Variants in NLGN3 observed in about 807,000 individuals in gnomAD.
NLGN3 encodes neuroligin 3.
Under a neutral mutation model 42.9 loss-of-function variants are expected in NLGN3, and 11 were observed. The ratio of observed to expected loss-of-function variants is 0.26; its 90% confidence interval spans 0.16 to 0.42. The LOEUF is 0.42. Ranked by LOEUF, NLGN3 falls within the 10% of genes least tolerant of loss-of-function variation. The pLI is 1.00. For synonymous variants in NLGN3, 279 were observed against 312.7 expected, an observed-to-expected ratio of 0.89 and a Z score of 1.14; for missense variants, 374 against 733.8, an observed-to-expected ratio of 0.51 and a Z score of 5.67.
Position 71,165,611 on chromosome X carries a change from T to C in NLGN3, c.913+1283T>C, listed in dbSNP as rs891085427. Among the ~76,000 whole-genome samples the C allele has an allele frequency of 3.6e-5, 4 of 110,803 alleles. No homozygotes were observed. In the Admixed American group the frequency reaches 3.8e-4, roughly 11 times the overall value. ...GTGATCACAGCTCACTGCAACCTGT[T>C]CCTCCCAGGCTCAAGTGATCCTCCT... On this transcript the variant is annotated intron_variant, in intron 6 of 7. Transcript: ENST00000358741.
In NLGN3 at chrX:71,150,989, A is replaced by G. The variant is rs963904734; in HGVS notation, c.517+2084A>G. Among the ~76,000 whole-genome samples, 3 of 112,099 alleles carry G rather than the reference A, an allele frequency of 2.7e-5. No individual in the cohort carries two copies. In the Admixed American group the frequency reaches 2.8e-4, roughly 11 times the overall value. On this transcript the variant is annotated intron_variant, in intron 3 of 7. Coordinates refer to ENST00000358741, the MANE Select transcript of NLGN3 (RefSeq NM_181303.2). ...TTTAGAAATGACTAAAGGCCTAATC[A>G]CTGCTCTGAAGAAGCTCTTAGCCTT...
intron 4 of NLGN3, 24 bp downstream of exon 4, chrX:71,153,560 G>A (rs781614320): frequency 8.5e-7 from 1 of 1,176,808 alleles, no homozygotes; most frequent in South Asian, 1.8e-5. Context: ...GCAGGGCGCG[G>A]CGGCTGGTGC....
chrX:71,162,314 G>C (rs180697518), intron 5 of NLGN3, among the ~76,000 whole-genome samples: 371 of 111,034 alleles, frequency 3.3e-3, no homozygotes, highest in Non-Finnish European at 5.2e-3. Flanking sequence ...AAAACAAAAA[G>C]GGACAGGGTC....
Position 71,170,471 on chromosome X carries a change from G to A in NLGN3, c.*374G>A. ...TTGGTGCTCGCCTTCGGCCTCTCTT[G>A]GAACTGCACCACCGACCAACTCCAG... On this transcript the variant is annotated 3_prime_UTR_variant, in exon 8 of 8. Coordinates refer to ENST00000358741, the MANE Select transcript of NLGN3 (RefSeq NM_181303.2). 1.1e-6 allele frequency: 1 copy of A among 892,488 alleles called. No individual in the cohort carries two copies. Among genetic ancestry groups the A allele is most frequent in the South Asian group, 3.3e-5 (1 of 30,173 alleles). The allele number at this position is 892,488 out of a possible 1,213,427, so 73.6% of individuals were successfully genotyped here. A position where few individuals can be genotyped will look rare whatever the true frequency, so the allele number is the denominator to read the frequency against.
At chrX:71,175,289 T>TA (rs1324979130), downstream of NLGN3, among the ~76,000 whole-genome samples, 1 of 111,746 alleles carries the variant, frequency 8.9e-6, no homozygotes, top group Non-Finnish European at 1.9e-5. Context: ...AAAATTATAA[T>TA]AAAAGTTTCA....
chrX:71,170,238 T>A lies in NLGN3; in HGVS notation c.*141T>A. ...GCACGCACCCACACCCTACAGCAGATCCACCTGCACAAACATAGACAGATG... is the reference window on the plus strand; with the variant it reads ...GCACGCACCCACACCCTACAGCAGAACCACCTGCACAAACATAGACAGATG... On this transcript the variant is annotated 3_prime_UTR_variant, in exon 8 of 8. Coordinates refer to ENST00000358741, the MANE Select transcript of NLGN3 (RefSeq NM_181303.2). 2.6e-6 allele frequency: 3 copies of A among 1,147,212 alleles called. No homozygotes were observed. Among genetic ancestry groups the A allele is most frequent in the African/African-American group, 1.8e-5 (1 of 56,044 alleles). 94.5% of individuals were successfully genotyped at this position (1,147,212 alleles called of 1,213,427 possible).
chrX:71,157,019 C>A (rs181501918), intron 5 of NLGN3, among the ~76,000 whole-genome samples: 1 of 111,084 alleles, frequency 9.0e-6, no homozygotes, highest in East Asian at 2.8e-4. Context: ...CCCCAAGCCC[C>A]GCATCCCTGT....
chrX:71,146,360 C>T (rs1190705705), intron 1 of NLGN3, among the ~76,000 whole-genome samples: 1 of 106,591 alleles, frequency 9.4e-6, no homozygotes, highest in African/African-American at 3.5e-5. Flanking sequence ...GTGCATGTGG[C>T]GTGGGTGTGC....
intron 2 of NLGN3, 146 bp from the exon 3 acceptor site, chrX:71,148,700 G>A: frequency 2.1e-6 from 1 of 484,361 alleles, no homozygotes; most frequent in Non-Finnish European, 3.4e-6. Flanking sequence ...ACTAAGGTAA[G>A]TGACAGAAAC....
chrX:71,151,469 G>A (rs1201567132), intron 3 of NLGN3, among the ~76,000 whole-genome samples: 7 of 111,882 alleles, frequency 6.3e-5, no homozygotes, highest in Middle Eastern at 4.6e-3. Flanking sequence ...GACAAATCCC[G>A]CCTCTTGAGG....
intron 5 of NLGN3, among the ~76,000 whole-genome samples, 188 bp from the exon 6 acceptor site, chrX:71,163,955 T>C (rs754391360): frequency 1.1e-4 from 12 of 112,798 alleles, no homozygotes; most frequent in Non-Finnish European, 2.1e-4. Context: ...GGCAGGGAGC[T>C]GACCCCTCCT....
At position 71,167,282 on chromosome X, in the gene NLGN3, G is replaced by C. The variant is rs1569485435; in HGVS notation, c.1185G>C (p.Glu395Asp). 1 of 1,211,960 alleles carries C rather than the reference G, an allele frequency of 8.3e-7. No homozygotes were observed. The highest frequency in any genetic ancestry group is 1.1e-6 in the Non-Finnish European group (1 of 895,554). Residue 395 changes from glutamate (E) to aspartate (D), a missense_variant, in exon 7 of 8, where the codon GAG becomes GAC. By Grantham distance (45) the Glu-to-Asp change is conservative (BLOSUM62 2). Transcript: ENST00000358741. Reference protein sequence around the residue: ...DDPEILMEQGEFLNYDIMLGV... With the variant: ...DDPEILMEQGDFLNYDIMLGV... ...CTGAGATCCTCATGGAGCAGGGCGA[G>C]TTCCTCAACTATGACATCATGCTAG...
At chrX:71,172,704 G>A (rs7055734), downstream of NLGN3, among the ~76,000 whole-genome samples, 26,885 of 108,802 alleles carry the variant, frequency 0.25, 4,797 homozygotes, top group African/African-American at 0.62. Context: ...ATGGTTGTAG[G>A]GCACCTACCA....
At chrX:71,157,965 C>T (rs762131532) in intron 5 of NLGN3, among the ~76,000 whole-genome samples, 2 of 109,757 alleles carry the variant, frequency 1.8e-5, no homozygotes, top group Admixed American at 2.0e-4. Context: ...CCTCAGACAC[C>T]ATGGTGAGGC....
At position 71,167,816 on chromosome X, in the gene NLGN3, GGTT is replaced by G. The variant is rs1422953978; in HGVS notation, c.1703+17_1703+19del. The G allele has an allele frequency of 2.5e-6, 3 of 1,193,875 alleles. No individual in the cohort carries two copies. Among genetic ancestry groups the G allele is most frequent in the Non-Finnish European group, 3.4e-6 (3 of 879,917 alleles). ...CCAAGACTGGGTAAGGAGAAAATAG[GGTT>G]TTTTTCCTCTTTGAGACCCCAGCAT... On this transcript the variant is annotated intron_variant, in intron 7 of 7. Transcript: ENST00000358741.
intron 1 of NLGN3, among the ~76,000 whole-genome samples, chrX:71,146,035 C>T (rs2147853508): frequency 1.0e-5 from 1 of 98,553 alleles, no homozygotes; most frequent in South Asian, 5.4e-4. Context: ...TGGGATCTTA[C>T]CCCCCATACT....
intron 3 of NLGN3, among the ~76,000 whole-genome samples, chrX:71,149,149 C>T (rs1475859284): frequency 3.6e-5 from 4 of 110,388 alleles, no homozygotes; most frequent in African/African-American, 1.3e-4. Context: ...CAAATTCCAC[C>T]CTAAAGTGTG....
chrX:71,170,273 A>G lies in NLGN3; in HGVS notation c.*176A>G. The G allele has an allele frequency of 1.8e-6, 2 of 1,121,230 alleles. No individual in the cohort carries two copies. The highest frequency in any genetic ancestry group is 3.3e-5 in the East Asian group (1 of 30,216). 92.4% of individuals were successfully genotyped at this position (1,121,230 alleles called of 1,213,427 possible). A position where few individuals can be genotyped will look rare whatever the true frequency, so the allele number is the denominator to read the frequency against. On this transcript the variant is annotated 3_prime_UTR_variant, in exon 8 of 8. Transcript: ENST00000358741. ...CAAACATAGACAGATGTGGACATGC[A>G]CCCGCATGTACAAAAACACAAATAC...
intron 1 of NLGN3, among the ~76,000 whole-genome samples, chrX:71,145,172 T>C (rs1355403277): frequency 1.0e-5 from 1 of 99,693 alleles, no homozygotes; most frequent in African/African-American, 3.8e-5. Context: ...ATCCCTAACA[T>C]CCTCCCGCCC....
Sources: allele counts gnomAD v4.1 joint callset (sites outside exome capture counted in the v4.1 genomes callset), GRCh38; gene constraint gnomAD v4.1.1; transcripts MANE v1.5; gene names NCBI Gene and HGNC (gene_info 2026-07-23, HGNC 2026-07-21).